The following WWC1 variants were observed in gnomAD, a reference collection of about 807,000 sequenced individuals.
WWC1 encodes the protein protein KIBRA.
WWC1 carries 55 observed loss-of-function variants against 138.4 expected under a neutral mutation model. The observed-to-expected ratio is 0.40, with a 90% CI of 0.32 to 0.50. WWC1 has a LOEUF of 0.50. Among genes scored for constraint, WWC1 ranks in the 20% least tolerant of loss-of-function variants. The probability of loss-of-function intolerance (pLI) is 0.72; values close to 1 mark genes in which losing one functional copy is unlikely to be tolerated. For synonymous variants in WWC1, 524 were observed against 564.9 expected (o/e 0.93, Z 1.03); for missense variants, 1,226 against 1,420.4 (o/e 0.86, Z 2.20).
chr5:168,447,889 T>G (rs1458448042), intron 17 of WWC1, among the ~76,000 whole-genome samples: 2 of 151,882 alleles, frequency 1.3e-5, no homozygotes, highest in Admixed American at 6.6e-5. Context: ...CTCTTTCTGC[T>G]TGGCACACTG....
intron 1 of WWC1, among the ~76,000 whole-genome samples, chr5:168,293,314 G>C (rs1186375251): frequency 6.6e-6 from 1 of 152,160 alleles, no homozygotes; most frequent in Non-Finnish European, 1.5e-5. Flanking sequence ...TTTAAACCTT[G>C]TCTGTGACCT....
chr5:168,414,351 C>T lies in WWC1; in HGVS notation c.945C>T (p.Ile315=), dbSNP rs371455356. 52 of 1,612,222 alleles carry T rather than the reference C, an allele frequency of 3.2e-5. No individual in the cohort carries two copies. Among genetic ancestry groups the T allele is most frequent in the African/African-American group, 6.7e-5 (5 of 74,894 alleles). The change falls in exon 9 of 23, where the codon ATC becomes ATT. Residue 315 remains isoleucine, a synonymous_variant. Transcript: ENST00000265293. ...TGCTTGCTTTCTTGGCCCCCAGGATCGCCAACCTGAAGATCCAGCTGGCCA... is the reference window on the plus strand; with the variant it reads ...TGCTTGCTTTCTTGGCCCCCAGGATTGCCAACCTGAAGATCCAGCTGGCCA... ...RLRYEEAKRR[I]ANLKIQLAKL...
At chr5:168,454,225 A>C in intron 18 of WWC1, 125 bp downstream of exon 18, 1 of 1,407,046 alleles carries the variant, frequency 7.1e-7, no homozygotes, top group South Asian at 1.4e-5. Context: ...AAGCCCTCAT[A>C]ATGGAGTGGC....
intron 1 of WWC1, among the ~76,000 whole-genome samples, chr5:168,297,751 A>G (rs1218976551): frequency 6.6e-6 from 1 of 152,000 alleles, no homozygotes; most frequent in Admixed American, 6.6e-5. Context: ...TCTTATATAA[A>G]TTTTTTACTA....
intron 21 of WWC1, among the ~76,000 whole-genome samples, chr5:168,467,219 C>G (rs975109130): frequency 5.3e-5 from 8 of 152,218 alleles, no homozygotes; most frequent in Non-Finnish European, 1.2e-4. Flanking sequence ...GATTGCGCCC[C>G]TACACTCCAG....
intron 11 of WWC1, among the ~76,000 whole-genome samples, chr5:168,427,073 A>G (rs955126886): frequency 2.0e-5 from 3 of 152,200 alleles, no homozygotes; most frequent in Non-Finnish European, 2.9e-5. Context: ...GTGGAAAGGG[A>G]TAGGCAGTGG....
chr5:168,340,809 C>T (rs1773979508), intron 1 of WWC1, among the ~76,000 whole-genome samples: 1 of 152,182 alleles, frequency 6.6e-6, no homozygotes, highest in African/African-American at 2.4e-5. Flanking sequence ...CACGTACAAA[C>T]TTTTGCATGT....
intron 1 of WWC1, among the ~76,000 whole-genome samples, chr5:168,305,225 C>A (rs2152744016): frequency 6.6e-6 from 1 of 151,896 alleles, no homozygotes; most frequent in South Asian, 2.1e-4. Flanking sequence ...GCCTTGGCCT[C>A]CCAAAGTGTT....
chr5:168,377,182 G>GT (rs533064168), intron 2 of WWC1, among the ~76,000 whole-genome samples: 15 of 152,276 alleles, frequency 9.9e-5, no homozygotes, highest in Admixed American at 3.3e-4. Context: ...AGTGGGGAAA[G>GT]GACTTCCTGT....
chr5:168,414,414 A>G lies in WWC1; in HGVS notation c.1008A>G (p.Ser336=). Residue 336 remains serine (S), a synonymous_variant, in exon 9 of 23, where the codon TCA becomes TCG. Coordinates refer to ENST00000265293, the MANE Select transcript of WWC1 (RefSeq NM_015238.3). Reference sequence around the variant, plus strand: ...AGGCCTGGCCTGGGGTGCTGGACTCAGAGAGGGACCGGCTGATCCTTATCA... The same window carrying G: ...AGGCCTGGCCTGGGGTGCTGGACTCGGAGAGGGACCGGCTGATCCTTATCA... ...DSEAWPGVLD[S]ERDRLILINE... 1 of 1,604,634 alleles carries G rather than the reference A, an allele frequency of 6.2e-7. No individual in the cohort carries two copies. Among genetic ancestry groups the G allele is most frequent in the African/African-American group, 1.3e-5 (1 of 74,882 alleles).
rs375638687 is a variant in WWC1 at position 168,455,435 on chromosome 5, C to T, written c.2738C>T (p.Pro913Leu). Residue 913 changes from proline (P) to leucine (L), a missense_variant, in exon 19 of 23, where the codon CCG becomes CTG. By Grantham distance (98) the Pro-to-Leu change is moderately conservative. Around this residue, in one of 3 missense-constraint regions of WWC1, gnomAD observed 1,016 missense variants for 1,153.9 expected, o/e 0.88. Transcript: ENST00000265293. ...VRPKDRRVGT[P>L]SQGPFLRGST... ...CCTAAGGACCGGAGAGTGGGCACCC[C>T]GTCCCAGGGGCCATTTCTTCGAGGG... 1.6e-5 allele frequency: 25 copies of T among 1,612,008 alleles called. No individual in the cohort carries two copies. Among genetic ancestry groups the T allele is most frequent in the Non-Finnish European group, 2.0e-5 (23 of 1,179,216 alleles).
intron 17 of WWC1, among the ~76,000 whole-genome samples, chr5:168,445,977 T>A (rs567166383): frequency 6.6e-6 from 1 of 152,242 alleles, no homozygotes; most frequent in African/African-American, 2.4e-5. Flanking sequence ...ACAGCAACTT[T>A]TGCTTGCTTT....
At chr5:168,334,356 A>G (rs1017810462) in intron 1 of WWC1, among the ~76,000 whole-genome samples, 1 of 151,854 alleles carries the variant, frequency 6.6e-6, no homozygotes, top group Non-Finnish European at 1.5e-5. Flanking sequence ...CCCCCACTGC[A>G]CTCTGGCAAC....
intron 17 of WWC1, 77 bp from the exon 18 acceptor site, chr5:168,453,891 C>T: frequency 6.3e-7 from 1 of 1,590,854 alleles, no homozygotes; most frequent in East Asian, 2.3e-5. Flanking sequence ...GGAAGCCCTA[C>T]CTTGGGTGTA....
chr5:168,351,278 C>T (rs1774934417), intron 1 of WWC1, among the ~76,000 whole-genome samples: 1 of 152,074 alleles, frequency 6.6e-6, no homozygotes, highest in South Asian at 2.1e-4. Flanking sequence ...AGACTGTAGA[C>T]TCTACTCTTG....
intron 1 of WWC1, among the ~76,000 whole-genome samples, chr5:168,366,747 C>T (rs551398474): frequency 1.3e-5 from 2 of 151,860 alleles, no homozygotes; most frequent in South Asian, 4.2e-4. Flanking sequence ...AACCCCATCT[C>T]CATCCTCACA....
rs1446800131 is a variant in WWC1 at position 168,469,384 on chromosome 5, T to G, written c.*367T>G. 1 of 210,174 alleles carries G rather than the reference T, an allele frequency of 4.8e-6. No homozygotes were observed. Among genetic ancestry groups the G allele is most frequent in the East Asian group, 1.2e-4 (1 of 8,694 alleles). 13.0% of individuals were successfully genotyped at this position (210,174 alleles called of 1,614,324 possible). The stretch of plus-strand genomic sequence containing the variant: ...TTTTTGGTTTGTACAGCTCCACCTT[T>G]TAGAGGTCTTACTGCAATAAGAAGT... On this transcript the variant is annotated 3_prime_UTR_variant, in exon 23 of 23. Transcript: ENST00000265293.
At chr5:168,339,925 T>TTCTCTCTCTCTCTCTC (rs1446245017) in intron 1 of WWC1, among the ~76,000 whole-genome samples, 1 of 91,878 alleles carries the variant, frequency 1.1e-5, no homozygotes. Flanking sequence ...CTCTCTCTCT[T>TTCTCTCTCTCTCTCTC]TCTCTCTTTC....
chr5:168,308,268 G>A (rs144811497), intron 1 of WWC1, among the ~76,000 whole-genome samples: 1 of 151,128 alleles, frequency 6.6e-6, no homozygotes, highest in East Asian at 2.0e-4. Context: ...GTGAATTGCT[G>A]TCACCCTACA....
Sources: gnomAD v4.1 joint callset for allele counts (sites outside exome capture counted in the v4.1 genomes callset) on GRCh38, gnomAD v4.1.1 for gene constraint, gnomAD v4.1.1 regional missense constraint, MANE v1.5 for transcripts, NCBI Gene and HGNC (gene_info 2026-07-23, HGNC 2026-07-21) for gene names.